The following TLK2 variants were observed in gnomAD, a reference collection of about 807,000 sequenced individuals.
TLK2 encodes tousled like kinase 2.
TLK2 carries 6 observed loss-of-function variants against 117.3 expected under a neutral mutation model. The ratio of observed to expected loss-of-function variants is 0.05; its 90% CI spans 0.03 to 0.10. TLK2 has a LOEUF of 0.10. Ranked by LOEUF, TLK2 falls within the 10% of genes least tolerant of loss-of-function variation. The probability of loss-of-function intolerance (pLI) is 1.00; values close to 1 mark genes in which losing one functional copy is unlikely to be tolerated. For missense variants in TLK2, 299 were observed against 901.2 expected (o/e 0.33, Z 8.56); for synonymous variants, 257 against 316.7 (o/e 0.81, Z 2.00).
chr17:62,472,610 C>T (rs1171241665), intron 1 of TLK2, among the ~76,000 whole-genome samples: 2 of 152,024 alleles, frequency 1.3e-5, no homozygotes, highest in African/African-American at 2.4e-5. Flanking sequence ...AGGTGGCACG[C>T]GTCTGTAATC....
At chr17:62,478,548 A>AC (rs1260789245), upstream of TLK2, among the ~76,000 whole-genome samples, 1 of 149,502 alleles carries the variant, frequency 6.7e-6, no homozygotes, top group Non-Finnish European at 1.5e-5. Context: ...GCGGCCCGTC[A>AC]GCCGGCGCCG....
At chr17:62,566,283 A>G (rs2079789941) in intron 11 of TLK2, among the ~76,000 whole-genome samples, 2 of 152,128 alleles carry the variant, frequency 1.3e-5, no homozygotes, top group South Asian at 4.2e-4. Context: ...TTGAGTATGA[A>G]TTGGAAAGCA....
intron 19 of TLK2, among the ~76,000 whole-genome samples, chr17:62,603,771 T>C (rs1287099178): frequency 2.0e-5 from 3 of 152,196 alleles, no homozygotes; most frequent in African/African-American, 7.2e-5. Flanking sequence ...TTGAGATTTT[T>C]AATAATTTAA....
chr17:62,489,233 CTG>C (rs2072839233), intron 2 of TLK2, among the ~76,000 whole-genome samples: 1 of 149,878 alleles, frequency 6.7e-6, no homozygotes, highest in Non-Finnish European at 1.5e-5. Flanking sequence ...CATGGTCTCA[CTG>C]TGTCACCCAG....
chr17:62,476,583 CAAAAT>C (rs59524481), upstream of TLK2, among the ~76,000 whole-genome samples: 73 of 147,044 alleles, frequency 5.0e-4, no homozygotes, highest in African/African-American at 1.4e-3. Flanking sequence ...ACTCTGTCAC[CAAAAT>C]AAAATAAAAT....
intron 6 of TLK2, among the ~76,000 whole-genome samples, chr17:62,533,392 C>CTGTG (rs1185230905): frequency 1.3e-5 from 1 of 78,906 alleles, no homozygotes; most frequent in South Asian, 3.7e-4. Flanking sequence ...GTGTGTGTGT[C>CTGTG]TGTGTGTGTG....
At chr17:62,560,661 ATTT>A (rs550051831) in intron 10 of TLK2, among the ~76,000 whole-genome samples, 2 of 140,324 alleles carry the variant, frequency 1.4e-5, no homozygotes, top group African/African-American at 2.6e-5. Flanking sequence ...AACTATTAGA[ATTT>A]TTTTTTTTTT....
At chr17:62,526,424 A>G (rs541636749) in intron 6 of TLK2, among the ~76,000 whole-genome samples, 3 of 152,274 alleles carry the variant, frequency 2.0e-5, no homozygotes, top group African/African-American at 7.2e-5. Flanking sequence ...TTACTGAGAA[A>G]ATAGAAACAA....
intron 17 of TLK2, among the ~76,000 whole-genome samples, chr17:62,599,610 C>T (rs542003652): frequency 3.3e-5 from 5 of 152,166 alleles, no homozygotes; most frequent in Non-Finnish European, 7.3e-5. Flanking sequence ...CCATCTCCTC[C>T]CTTCTGGCCT....
At chr17:62,606,393 A>G in intron 20 of TLK2, 152 bp downstream of exon 20, 1 of 456,976 alleles carries the variant, frequency 2.2e-6, no homozygotes, top group Non-Finnish European at 3.9e-6. Flanking sequence ...ATACAGACTT[A>G]ATAATACAAG....
At chr17:62,549,417 A>AAAAAAAAAAAAAAAAAAG (rs2078227128) in intron 7 of TLK2, among the ~76,000 whole-genome samples, 3 of 32,596 alleles carry the variant, frequency 9.2e-5, no homozygotes, top group Non-Finnish European at 1.5e-4. Flanking sequence ...AAAAAAAAAA[A>AAAAAAAAAAAAAAAAAAG]AAAAAAAAAA....
intron 6 of TLK2, among the ~76,000 whole-genome samples, chr17:62,526,911 A>G (rs60242601): frequency 0.023 from 3,451 of 152,282 alleles, 124 homozygotes; most frequent in African/African-American, 0.077. Flanking sequence ...TAAAATGTTC[A>G]GACACATCCC....
rs1268545370 is a variant in TLK2, at chr17:62,614,453, G to A, written c.*1888G>A. 1 of 152,160 alleles carries A rather than the reference G, an allele frequency of 6.6e-6. No individual in the cohort carries two copies. Among genetic ancestry groups the A allele is most frequent in the Non-Finnish European group, 1.5e-5 (1 of 68,022 alleles). 9.4% of individuals were successfully genotyped at this position (152,160 alleles called of 1,614,324 possible). On this transcript the variant is annotated 3_prime_UTR_variant, in exon 22 of 22. Transcript: ENST00000346027. The stretch of plus-strand genomic sequence containing the variant: ...GAGGGGGAGTCAGAAAGGGTAGAGA[G>A]CTCTCAAATAACTCATGACTCTAGT...
At chr17:62,485,574 C>T (rs1203169880) in intron 2 of TLK2, among the ~76,000 whole-genome samples, 3 of 152,070 alleles carry the variant, frequency 2.0e-5, no homozygotes, top group Non-Finnish European at 4.4e-5. Context: ...AGCATATTTA[C>T]TTCATAATAA....
Position 62,545,692 on chromosome 17 carries a change from CTTG to C in TLK2, c.532-6589_532-6587del, listed in dbSNP as rs201939423. 7.9e-5 allele frequency among the ~76,000 whole-genome samples: 12 copies of C among 152,028 alleles called. No individual in the cohort carries two copies. The South Asian group carries it at 1.0e-3, about 13-fold the overall frequency. On this transcript the variant is annotated intron_variant, in intron 7 of 21. Coordinates refer to ENST00000346027, the MANE Select transcript of TLK2 (RefSeq NM_006852.6). ...CATTTTTTAGGTTAACAAAGTTCCT[CTTG>C]TTGTTGTTGTTGTTGTTGTTTAAAG... is the stretch of plus-strand genomic sequence containing the variant.
chr17:62,612,125 G>A (rs2083836126), intron 21 of TLK2: 2 of 316,838 alleles, frequency 6.3e-6, no homozygotes, highest in Non-Finnish European at 1.1e-5. Context: ...AGTATTTAGA[G>A]GTCATGCTTC....
At chr17:62,522,296 A>G in intron 4 of TLK2, 23 bp downstream of exon 4, 1 of 1,604,124 alleles carries the variant, frequency 6.2e-7, no homozygotes, top group Non-Finnish European at 8.5e-7. Context: ...TCGTATCAAC[A>G]AAAGTACTCA....
chr17:62,611,763 T>C (rs1429972684), intron 21 of TLK2, among the ~76,000 whole-genome samples: 1 of 152,234 alleles, frequency 6.6e-6, no homozygotes, highest in East Asian at 1.9e-4. Context: ...ATGCTAAGAC[T>C]TACAGAAACT....
chr17:62,536,102 G>A (rs1190862710), intron 6 of TLK2, 68 bp from the exon 7 acceptor site: 13 of 1,531,578 alleles, frequency 8.5e-6, no homozygotes, highest in Admixed American at 8.0e-5. Context: ...TTTTTAACCC[G>A]TTGCATGTTT....
Sources: gnomAD v4.1 joint callset for allele counts (sites outside exome capture counted in the v4.1 genomes callset) on GRCh38, gnomAD v4.1.1 for gene constraint, MANE v1.5 for transcripts, NCBI Gene and HGNC (gene_info 2026-07-23, HGNC 2026-07-21) for gene names.